Variants in ASB7 observed in about 807,000 individuals in gnomAD.
The protein encoded by ASB7 is ankyrin repeat and SOCS box protein 7.
A neutral mutation model predicts 32.5 loss-of-function variants in ASB7; 4 were observed. That is an observed-to-expected ratio of 0.12 (90% confidence interval 0.06 to 0.28). The LOEUF (loss-of-function observed/expected upper bound fraction) is 0.28. Ranked by LOEUF, ASB7 falls within the 10% of genes least tolerant of loss-of-function variation. The pLI, the probability that ASB7 is intolerant of heterozygous loss-of-function variation, is 1.00. For missense variants in ASB7, 181 were observed against 407.1 expected (o/e 0.44, Z 4.78); for synonymous variants, 172 against 155.6 (o/e 1.11, Z -0.78).
chr15:100,604,183 G>A (rs1053406574), intron 2 of ASB7, among the ~76,000 whole-genome samples: 14 of 152,150 alleles, frequency 9.2e-5, no homozygotes, highest in Admixed American at 2.0e-4. Context: ...AAACTTTTAC[G>A]TAGAGTTTGC....
intron 5 of ASB7, 86 bp downstream of exon 5, chr15:100,630,128 A>T: frequency 3.5e-6 from 5 of 1,419,506 alleles, no homozygotes; most frequent in Non-Finnish European, 4.6e-6. Flanking sequence ...ACTTAAGATG[A>T]CTAGATATTA....
At position 100,629,396 on chromosome 15, in the gene ASB7, C is replaced by T. The variant is rs755769942; in HGVS notation, c.212-41C>T. On this transcript the variant is annotated intron_variant, in intron 4 of 5. Coordinates refer to ENST00000332783, the MANE Select transcript of ASB7 (RefSeq NM_198243.3). This position sits in a 1 kb window ranked among gnomAD's most constrained non-coding sequence, Gnocchi z 6.8. ...GCCATGGTAATGTTTGTTGTTTTGT[C>T]TTGGAGTCTGCTAATACTTTCATTT... 1 of 1,524,324 alleles carries T rather than the reference C, an allele frequency of 6.6e-7. No individual in the cohort carries two copies. Among genetic ancestry groups the T allele is most frequent in the Non-Finnish European group, 9.0e-7 (1 of 1,114,610 alleles). 94.4% of individuals were successfully genotyped at this position (1,524,324 alleles called of 1,614,324 possible). A position where few individuals can be genotyped will look rare whatever the true frequency, so the allele number is the denominator to read the frequency against.
At chr15:100,604,699 T>C (rs2039625268) in intron 2 of ASB7, among the ~76,000 whole-genome samples, 1 of 152,204 alleles carries the variant, frequency 6.6e-6, no homozygotes, top group African/African-American at 2.4e-5. Context: ...TACCAATGAC[T>C]GTTCCCTGTT....
chr15:100,646,046 C>A, intron 5 of ASB7: 1 of 414,870 alleles, frequency 2.4e-6, no homozygotes, highest in East Asian at 6.1e-5. Context: ...AGCATCTTAT[C>A]TCAGGAGCCA....
At chr15:100,632,870 A>AC (rs1442280711) in intron 5 of ASB7, among the ~76,000 whole-genome samples, 1 of 152,042 alleles carries the variant, frequency 6.6e-6, no homozygotes, top group Non-Finnish European at 1.5e-5. Context: ...AAAAAAAAAA[A>AC]AACAGAGCGC....
chr15:100,625,832 A>G (rs2039832473), intron 4 of ASB7, among the ~76,000 whole-genome samples: 1 of 152,218 alleles, frequency 6.6e-6, no homozygotes, highest in Non-Finnish European at 1.5e-5. Context: ...CTTTTAGGTC[A>G]ATGGAACAAA....
chr15:100,631,554 T>C (rs538213005), intron 5 of ASB7, among the ~76,000 whole-genome samples: 22 of 152,266 alleles, frequency 1.4e-4, no homozygotes, highest in Non-Finnish European at 2.5e-4. Context: ...TTATGATGAG[T>C]GTGGCCGCCC....
chr15:100,611,691 G>A (rs1349643040), intron 3 of ASB7, among the ~76,000 whole-genome samples: 1 of 149,962 alleles, frequency 6.7e-6, no homozygotes, highest in Non-Finnish European at 1.5e-5. Context: ...TGTTGGCCAG[G>A]CTGGTCTCAA....
chr15:100,622,745 A>C (rs954553907), intron 4 of ASB7, among the ~76,000 whole-genome samples: 2 of 152,202 alleles, frequency 1.3e-5, no homozygotes, highest in African/African-American at 4.8e-5. Flanking sequence ...GTGCAGAAGA[A>C]TAAAACCAGA....
At chr15:100,624,883 A>G (rs1484890369) in intron 4 of ASB7, among the ~76,000 whole-genome samples, 1 of 143,522 alleles carries the variant, frequency 7.0e-6, no homozygotes, top group East Asian at 2.2e-4. Flanking sequence ...AAATATTGGC[A>G]AATCCAGTCT....
chr15:100,618,889 C>G (rs1597001907), intron 4 of ASB7, among the ~76,000 whole-genome samples: 1 of 152,272 alleles, frequency 6.6e-6, no homozygotes, highest in East Asian at 1.9e-4. Context: ...AAATTCCTCA[C>G]AACTCTTTTA....
chr15:100,648,217 C>A, intron 5 of ASB7, 106 bp from the exon 6 acceptor site: 1 of 1,230,036 alleles, frequency 8.1e-7, no homozygotes, highest in Non-Finnish European at 1.1e-6. Flanking sequence ...CTTTGCATGT[C>A]AAGTCCATAG....
chr15:100,625,916 G>A (rs2039833135), intron 4 of ASB7, among the ~76,000 whole-genome samples: 1 of 152,188 alleles, frequency 6.6e-6, no homozygotes. Flanking sequence ...AAATCATTAA[G>A]AGTCCTTTTA....
intron 5 of ASB7, among the ~76,000 whole-genome samples, chr15:100,631,537 GACTT>G (rs1420709747): frequency 2.0e-5 from 3 of 152,166 alleles, no homozygotes; most frequent in Non-Finnish European, 4.4e-5. Context: ...CTACATTAGA[GACTT>G]AGTTATGATG....
At chr15:100,617,481 C>G (rs1597001142) in intron 4 of ASB7, among the ~76,000 whole-genome samples, 1 of 152,160 alleles carries the variant, frequency 6.6e-6, no homozygotes, top group Admixed American at 6.5e-5. Flanking sequence ...CCCACCCCTG[C>G]CCCATCACCT....
intron 4 of ASB7, among the ~76,000 whole-genome samples, chr15:100,627,875 G>C (rs1030385007): frequency 6.6e-6 from 1 of 150,728 alleles, no homozygotes; most frequent in African/African-American, 2.5e-5. Flanking sequence ...TAGATTTCAC[G>C]CCTGACTTTG....
intron 5 of ASB7, among the ~76,000 whole-genome samples, chr15:100,643,311 G>A (rs561214617): frequency 2.0e-5 from 3 of 152,082 alleles, no homozygotes; most frequent in South Asian, 2.1e-4. Flanking sequence ...TTCAAGGAGA[G>A]GGAACATAGA....
chr15:100,633,971 C>G (rs1270642531), intron 5 of ASB7, among the ~76,000 whole-genome samples: 1 of 152,146 alleles, frequency 6.6e-6, no homozygotes, highest in Non-Finnish European at 1.5e-5. Context: ...AGGTGAAGAG[C>G]AGAAGGTTGT....
rs2039864731 is a variant in ASB7, at chr15:100,629,103, T to C, written c.212-334T>C. On this transcript the variant is annotated intron_variant, in intron 4 of 5. Transcript: ENST00000332783. This position sits in a 1 kb window ranked among gnomAD's most constrained non-coding sequence, Gnocchi z 6.8. ...AAAACAGAAGAGAAACATGAAACAGTGCAGAGATGAAGGAGTTGAGTAGCC... is the reference window on the plus strand; with the variant it reads ...AAAACAGAAGAGAAACATGAAACAGCGCAGAGATGAAGGAGTTGAGTAGCC... Among the ~76,000 whole-genome samples the C allele has an allele frequency of 1.3e-5, 2 of 152,126 alleles. No homozygotes were observed. The highest frequency in any genetic ancestry group is 4.1e-4 in the South Asian group (2 of 4,822).
Sources: gnomAD v4.1 joint callset for allele counts (sites outside exome capture counted in the v4.1 genomes callset) on GRCh38, gnomAD v4.1.1 for gene constraint, Gnocchi (gnomAD v3.1) non-coding constraint, MANE v1.5 for transcripts, NCBI Gene and HGNC (gene_info 2026-07-23, HGNC 2026-07-21) for gene names.